NPAS3: variants seen among roughly 807,000 people sequenced by gnomAD.
The protein encoded by NPAS3 is neuronal PAS domain protein 3.
In NPAS3, 14 loss-of-function variants were observed where a neutral mutation model predicts 73.1. The observed-to-expected ratio is 0.19, with a 90% confidence interval of 0.13 to 0.30. The LOEUF (loss-of-function observed/expected upper bound fraction) is 0.30, where lower values mean the gene tolerates loss of function less well. NPAS3 is among the 10% of genes least tolerant of loss of function. NPAS3 has a pLI of 1.00. For synonymous variants in NPAS3, 620 were observed against 541.5 expected (o/e 1.14, Z -2.01); for missense variants, 1,096 against 1,250.0 (o/e 0.88, Z 1.86).
chr14:33,145,953 T>C (rs1371526955), intron 2 of NPAS3, among the ~76,000 whole-genome samples: 1 of 152,100 alleles, frequency 6.6e-6, no homozygotes, highest in Non-Finnish European at 1.5e-5. Flanking sequence ...TGAAAGAGTG[T>C]GCCTGTGAAA....
At chr14:33,209,510 C>T (rs1271939904) in intron 2 of NPAS3, among the ~76,000 whole-genome samples, 2 of 152,120 alleles carry the variant, frequency 1.3e-5, no homozygotes, top group Non-Finnish European at 2.9e-5. Context: ...TTAACTACGA[C>T]CAGAGATCTG....
chr14:33,141,071 T>C (rs764621239), intron 2 of NPAS3, among the ~76,000 whole-genome samples: 5 of 152,230 alleles, frequency 3.3e-5, no homozygotes, highest in African/African-American at 4.8e-5. Context: ...TTTAATCATA[T>C]TGATACCAAA....
intron 4 of NPAS3, among the ~76,000 whole-genome samples, chr14:33,425,509 T>C (rs554066100): frequency 1.1e-4 from 17 of 150,974 alleles, no homozygotes; most frequent in African/African-American, 4.1e-4. Context: ...AAAAATATAC[T>C]CAAGCCAGAT....
At chr14:33,724,086 G>A (rs551766276) in intron 6 of NPAS3, among the ~76,000 whole-genome samples, 2 of 152,188 alleles carry the variant, frequency 1.3e-5, no homozygotes, top group South Asian at 2.1e-4. Flanking sequence ...AAAATGTATA[G>A]ACTACTCAAT....
At chr14:33,013,995 T>A (rs2039303842) in intron 1 of NPAS3, among the ~76,000 whole-genome samples, 1 of 152,200 alleles carries the variant, frequency 6.6e-6, no homozygotes, top group African/African-American at 2.4e-5. Context: ...CTATTTCCAC[T>A]TTTCTATATA....
chr14:33,445,332 A>C (rs1432483998), intron 4 of NPAS3, among the ~76,000 whole-genome samples: 2 of 152,216 alleles, frequency 1.3e-5, no homozygotes, highest in African/African-American at 4.8e-5. Flanking sequence ...ATTCGTAGCA[A>C]AACCTCTGTT....
At chr14:33,741,936 GAC>G (rs1443123320) in intron 7 of NPAS3, among the ~76,000 whole-genome samples, 1 of 151,998 alleles carries the variant, frequency 6.6e-6, no homozygotes, top group Non-Finnish European at 1.5e-5. Flanking sequence ...CTTTGAAAAT[GAC>G]ACACATATGT....
chr14:33,798,977 CAA>C (rs35096703), intron 11 of NPAS3, among the ~76,000 whole-genome samples: 58 of 106,214 alleles, frequency 5.5e-4, no homozygotes, highest in East Asian at 2.0e-3. Context: ...CCTGTCTCTA[CAA>C]AAAAAAAAAA....
At chr14:33,108,122 G>C (rs2042777824) in intron 2 of NPAS3, among the ~76,000 whole-genome samples, 1 of 150,712 alleles carries the variant, frequency 6.6e-6, no homozygotes, top group African/African-American at 2.4e-5. Flanking sequence ...TGTTCTATGT[G>C]CAAAAAAGCA....
intron 6 of NPAS3, among the ~76,000 whole-genome samples, chr14:33,734,057 C>T (rs2061464209): frequency 6.6e-6 from 1 of 151,996 alleles, no homozygotes; most frequent in Non-Finnish European, 1.5e-5. Context: ...CTTGTTTTGC[C>T]CATTTTTTTC....
At chr14:33,073,026 G>A (rs2041539835) in intron 2 of NPAS3, among the ~76,000 whole-genome samples, 1 of 152,122 alleles carries the variant, frequency 6.6e-6, no homozygotes, top group Admixed American at 6.5e-5. Flanking sequence ...GGTTAGGCAA[G>A]CATTATTTAA....
chr14:33,663,013 G>T lies in NPAS3; in HGVS notation c.559-13198G>T, dbSNP rs548761216. Among the ~76,000 whole-genome samples, 5 of 150,832 alleles carry T rather than the reference G, an allele frequency of 3.3e-5. No homozygotes were observed. In the East Asian group the frequency reaches 7.9e-4, roughly 24 times the overall value. On this transcript the variant is annotated intron_variant, in intron 5 of 11. Transcript: ENST00000356141. ...GTGGGTTTTCTAAATAGACAATCAT[G>T]TCATCTGCAAACAGACAATATGACT... is the stretch of plus-strand genomic sequence containing the variant.
rs142052975 is a variant in NPAS3 at position 33,247,758 on chromosome 14, TTTAAA to T, written c.385+32338_385+32342del. On this transcript the variant is annotated intron_variant, in intron 3 of 11. Coordinates refer to ENST00000356141, the Ensembl canonical transcript of NPAS3. ...CCTCATGTCGAAAAGATAGAATTACTTTAAATTAAAACCTATTTGCTAATAGCACT... is the reference window on the plus strand; with the variant it reads ...CCTCATGTCGAAAAGATAGAATTACTTTAAAACCTATTTGCTAATAGCACT... Among the ~76,000 whole-genome samples, 1,006 of 152,380 alleles carry T rather than the reference TTTAAA, an allele frequency of 6.6e-3. 4 individuals are homozygous for T. Among genetic ancestry groups the T allele is most frequent in the Non-Finnish European group, 0.011 (751 of 68,034 alleles).
intron 5 of NPAS3, among the ~76,000 whole-genome samples, chr14:33,586,375 A>G (rs1322730649): frequency 6.6e-6 from 1 of 152,112 alleles, no homozygotes; most frequent in African/African-American, 2.4e-5. Flanking sequence ...AATAAATTTT[A>G]TAAACAGATA....
At chr14:33,567,584 G>A (rs2056021046) in intron 5 of NPAS3, among the ~76,000 whole-genome samples, 1 of 152,216 alleles carries the variant, frequency 6.6e-6, no homozygotes, top group Non-Finnish European at 1.5e-5. Flanking sequence ...CTCTATTGAT[G>A]TGCTCAGAGT....
Position 33,472,567 on chromosome 14 carries a change from A to G in NPAS3, c.469-87554A>G, listed in dbSNP as rs141431812. The stretch of plus-strand genomic sequence containing the variant: ...TAGGCTGGAAGTTGGAAGACTAGGA[A>G]GGTATTACAATCTTCTAGGCTAGAG... On this transcript the variant is annotated intron_variant, in intron 4 of 11. Transcript: ENST00000356141. Among the ~76,000 whole-genome samples, 30 of 143,538 alleles carry G rather than the reference A, an allele frequency of 2.1e-4. 1 individual carries two copies. The East Asian group carries it at 5.8e-3, about 28-fold the overall frequency. 94.2% of individuals were successfully genotyped at this position (143,538 alleles called of 152,430 possible). A position where few individuals can be genotyped will look rare whatever the true frequency, so the allele number is the denominator to read the frequency against.
chr14:33,764,076 T>A (rs991211385), intron 7 of NPAS3, among the ~76,000 whole-genome samples: 15 of 151,982 alleles, frequency 9.9e-5, no homozygotes, highest in African/African-American at 3.6e-4. Flanking sequence ...AAGACAGGAG[T>A]GGCTGGCTTC....
intron 3 of NPAS3, among the ~76,000 whole-genome samples, chr14:33,276,014 C>T (rs1484806440): frequency 6.6e-6 from 1 of 152,070 alleles, no homozygotes; most frequent in Non-Finnish European, 1.5e-5. Flanking sequence ...TTTGACCCTA[C>T]TGGGGTACTC....
At chr14:33,731,445 G>C (rs922920934) in intron 6 of NPAS3, among the ~76,000 whole-genome samples, 4 of 148,508 alleles carry the variant, frequency 2.7e-5, no homozygotes, top group Non-Finnish European at 5.9e-5. Flanking sequence ...AAAAAAGAGA[G>C]AGAGAAAGAA....
Sources: allele counts gnomAD v4.1 joint callset (sites outside exome capture counted in the v4.1 genomes callset), GRCh38; gene constraint gnomAD v4.1.1; transcripts MANE v1.5; gene names NCBI Gene and HGNC (gene_info 2026-07-23, HGNC 2026-07-21).